The following GRID2 variants were observed in gnomAD, a reference collection of about 807,000 sequenced individuals.
GRID2 encodes glutamate ionotropic receptor delta type subunit 2.
Under a neutral mutation model 114.8 loss-of-function variants are expected in GRID2, and 33 were observed. The ratio of observed to expected loss-of-function variants is 0.29; its 90% confidence interval spans 0.22 to 0.38. The LOEUF (loss-of-function observed/expected upper bound fraction) is 0.38, where lower values mean the gene tolerates loss of function less well. GRID2 is among the 10% of genes least tolerant of loss of function. The pLI, the probability that GRID2 is intolerant of heterozygous loss-of-function variation, is 1.00. For missense variants in GRID2, 1,184 were observed against 1,257.7 expected (o/e 0.94, Z 0.89); for synonymous variants, 505 against 449.9 (o/e 1.12, Z -1.55).
chr4:93,528,798 A>G (rs1731174683), intron 13 of GRID2, among the ~76,000 whole-genome samples: 1 of 152,186 alleles, frequency 6.6e-6, no homozygotes, highest in Non-Finnish European at 1.5e-5. Context: ...AACTCATGTT[A>G]TTCGGACACA....
intron 12 of GRID2, among the ~76,000 whole-genome samples, chr4:93,497,322 A>T (rs1380099205): frequency 6.6e-6 from 1 of 151,592 alleles, no homozygotes; most frequent in African/African-American, 2.4e-5. Context: ...TTGTATTTTC[A>T]TCCTCTTTAT....
At chr4:93,430,151 C>T (rs544447186) in intron 10 of GRID2, among the ~76,000 whole-genome samples, 64 of 151,920 alleles carry the variant, frequency 4.2e-4, no homozygotes, top group Admixed American at 9.8e-4. Context: ...ATATATTTAC[C>T]GGGAGGCTTT....
intron 2 of GRID2, among the ~76,000 whole-genome samples, chr4:93,018,896 A>G (rs1472833597): frequency 6.6e-6 from 1 of 152,178 alleles, no homozygotes; most frequent in Non-Finnish European, 1.5e-5. Flanking sequence ...CAAAACTTTT[A>G]CATTAAAAGT....
At chr4:93,766,784 G>A (rs866727374) in intron 14 of GRID2, among the ~76,000 whole-genome samples, 1 of 152,208 alleles carries the variant, frequency 6.6e-6, no homozygotes, top group South Asian at 2.1e-4. Flanking sequence ...TAAGGGATGT[G>A]CCATTATTTT....
intron 2 of GRID2, among the ~76,000 whole-genome samples, chr4:92,971,022 A>G (rs1753478906): frequency 2.0e-5 from 3 of 151,872 alleles, no homozygotes; most frequent in East Asian, 3.9e-4. Context: ...TTTAAAAAAA[A>G]AAATTTGTAC....
intron 14 of GRID2, among the ~76,000 whole-genome samples, chr4:93,645,626 C>G (rs1309527408): frequency 2.6e-5 from 4 of 152,122 alleles, no homozygotes; most frequent in Non-Finnish European, 2.9e-5. Context: ...TTGCCTGTCT[C>G]CTGGATACCT....
chr4:92,835,635 C>G (rs1303882195), intron 2 of GRID2, among the ~76,000 whole-genome samples: 1 of 151,968 alleles, frequency 6.6e-6, no homozygotes, highest in Non-Finnish European at 1.5e-5. Flanking sequence ...AATGGGACCA[C>G]CCCCCATGCC....
chr4:92,305,149 C>G (rs1725309152), intron 1 of GRID2, among the ~76,000 whole-genome samples: 1 of 152,028 alleles, frequency 6.6e-6, no homozygotes, highest in Non-Finnish European at 1.5e-5. Context: ...GAGAAGCTGT[C>G]ACCTGTGAGA....
intron 1 of GRID2, among the ~76,000 whole-genome samples, chr4:92,384,565 T>C (rs1319009615): frequency 1.4e-4 from 8 of 58,096 alleles, no homozygotes; most frequent in South Asian, 4.3e-4. Context: ...TTATATATAA[T>C]ATAATATATA....
chr4:92,793,604 C>T (rs1411202547), intron 2 of GRID2, among the ~76,000 whole-genome samples: 1 of 151,254 alleles, frequency 6.6e-6, no homozygotes, highest in Non-Finnish European at 1.5e-5. Context: ...TAGGGCCAAT[C>T]AGGCTTACTT....
intron 14 of GRID2, among the ~76,000 whole-genome samples, chr4:93,672,104 C>T (rs1018964415): frequency 5.3e-5 from 8 of 152,232 alleles, no homozygotes; most frequent in Non-Finnish European, 8.8e-5. Flanking sequence ...CTGCTCCCCT[C>T]ACTACCAGTT....
chr4:93,366,393 C>T (rs984592470), intron 8 of GRID2, among the ~76,000 whole-genome samples: 3 of 152,046 alleles, frequency 2.0e-5, no homozygotes, highest in South Asian at 2.1e-4. Flanking sequence ...TCTCCTATAG[C>T]ACTCCCAGGC....
In GRID2 at chr4:92,785,276, CA is replaced by C. The variant is rs572169794; in HGVS notation, c.244+194992del. Among the ~76,000 whole-genome samples, 500 of 151,506 alleles carry C rather than the reference CA, an allele frequency of 3.3e-3. 3 individuals carry two copies. The highest frequency in any genetic ancestry group is 0.011 in the African/African-American group (472 of 41,442). On this transcript the variant is annotated intron_variant, in intron 2 of 15. Coordinates refer to ENST00000282020, the MANE Select transcript of GRID2 (RefSeq NM_001510.4). ...CAATATTAATTACCATCAACAGCCA[CA>C]ATATTAAAATATTCTGCAATTCCTT... is the stretch of plus-strand genomic sequence containing the variant.
chr4:92,781,361 G>A (rs1288745522), intron 2 of GRID2, among the ~76,000 whole-genome samples: 2 of 152,052 alleles, frequency 1.3e-5, no homozygotes, highest in Non-Finnish European at 2.9e-5. Context: ...TTTTTCAAAT[G>A]TGTGGATACA....
At chr4:92,386,763 A>T (rs1228190651) in intron 1 of GRID2, among the ~76,000 whole-genome samples, 5 of 151,880 alleles carry the variant, frequency 3.3e-5, no homozygotes, top group African/African-American at 1.2e-4. Context: ...ATACTTATTT[A>T]TTGAGTAATT....
chr4:93,312,705 A>G (rs1352768615), intron 8 of GRID2, among the ~76,000 whole-genome samples: 1 of 152,176 alleles, frequency 6.6e-6, no homozygotes, highest in African/African-American at 2.4e-5. Flanking sequence ...TAGAATACAC[A>G]TAGGAAGTCA....
intron 2 of GRID2, among the ~76,000 whole-genome samples, chr4:92,598,339 T>C (rs1729049913): frequency 6.6e-6 from 1 of 152,168 alleles, no homozygotes; most frequent in African/African-American, 2.4e-5. Context: ...TGGCCTTTAC[T>C]CTGTAACCTA....
chr4:93,724,639 T>G (rs1216509744), intron 14 of GRID2, among the ~76,000 whole-genome samples: 1 of 152,038 alleles, frequency 6.6e-6, no homozygotes, highest in Non-Finnish European at 1.5e-5. Context: ...AGTGCCCATA[T>G]GAAGGTGATT....
At chr4:93,551,095 C>T (rs2149542951) in intron 13 of GRID2, among the ~76,000 whole-genome samples, 1 of 152,252 alleles carries the variant, frequency 6.6e-6, no homozygotes, top group South Asian at 2.1e-4. Flanking sequence ...ATCAAGCTAT[C>T]TATGTGAAAC....
Sources: gnomAD v4.1 joint callset for allele counts (sites outside exome capture counted in the v4.1 genomes callset) on GRCh38, gnomAD v4.1.1 for gene constraint, MANE v1.5 for transcripts, NCBI Gene and HGNC (gene_info 2026-07-23, HGNC 2026-07-21) for gene names.